The following PDIA3 variants were observed in gnomAD, a reference collection of about 807,000 sequenced individuals.
The protein encoded by PDIA3 is protein disulfide isomerase family A member 3.
PDIA3 carries 16 observed loss-of-function variants against 56.9 expected under a neutral mutation model. That is an observed-to-expected ratio of 0.28 (90% CI 0.19 to 0.43). PDIA3 has a LOEUF of 0.43. PDIA3 is among the 20% of genes least tolerant of loss of function. The pLI, the probability that PDIA3 is intolerant of heterozygous loss-of-function variation, is 1.00. For missense variants in PDIA3, 485 were observed against 621.3 expected, an observed-to-expected ratio of 0.78 and a Z score of 2.33; for synonymous variants, 192 against 216.5, an observed-to-expected ratio of 0.89 and a Z score of 0.99.
rs1457397048 is a variant in PDIA3, at chr15:43,751,760, T to C, written c.168-2064T>C. ...CAGATTTCTGGAGATTCTCATTCAG[T>C]AAGCCATGCATACTTTTGTTGTTTT... On this transcript the variant is annotated intron_variant, in intron 1 of 12. Transcript: ENST00000300289. The C allele has an allele frequency of 3.9e-6, 5 of 1,294,972 alleles. No individual in the cohort carries two copies. The East Asian group carries it at 2.2e-4, about 57-fold the overall frequency. The allele number at this position is 1,294,972 out of a possible 1,614,324, so 80.2% of individuals were successfully genotyped here. A position where few individuals can be genotyped will look rare whatever the true frequency, so the allele number is the denominator to read the frequency against.
intron 2 of PDIA3, among the ~76,000 whole-genome samples, chr15:43,755,635 C>T (rs1047300729): frequency 2.6e-5 from 4 of 151,914 alleles, no homozygotes; most frequent in African/African-American, 9.7e-5. Context: ...TAATCATAGC[C>T]AGGCGCTGTG....
In PDIA3 at chr15:43,746,652, G is replaced by C; in HGVS notation, c.113G>C (p.Arg38Pro). ...LELTDDNFESRISDTGSAGLM... is the reference protein window; with the variant it reads ...LELTDDNFESPISDTGSAGLM... ...CTCACGGACGACAACTTCGAGAGTC[G>C]CATCTCCGACACGGGCTCTGCGGGC... is the stretch of plus-strand genomic sequence containing the variant. The change falls in exon 1 of 13, where the codon CGC becomes CCC. Residue 38 changes from arginine (R) to proline (P), a missense_variant. Arg to Pro is a moderately radical substitution (Grantham distance 103). Coordinates refer to ENST00000300289, the MANE Select transcript of PDIA3 (RefSeq NM_005313.5). 6.2e-7 allele frequency: 1 copy of C among 1,612,954 alleles called. No individual in the cohort carries two copies. Among genetic ancestry groups the C allele is most frequent in the Non-Finnish European group, 8.5e-7 (1 of 1,179,888 alleles).
chr15:43,755,699 A>T (rs1256731839), intron 2 of PDIA3, among the ~76,000 whole-genome samples: 1 of 152,146 alleles, frequency 6.6e-6, no homozygotes, highest in Non-Finnish European at 1.5e-5. Context: ...GGATCTCCTG[A>T]GGTCTGGAGT....
chr15:43,747,839 G>T (rs2086717176), intron 1 of PDIA3, among the ~76,000 whole-genome samples: 7 of 152,132 alleles, frequency 4.6e-5, no homozygotes, highest in Admixed American at 4.6e-4. Flanking sequence ...AAAAAGTCCT[G>T]TAGTAAAGAC....
intron 1 of PDIA3, 163 bp downstream of exon 1, chr15:43,746,869 A>ATT (rs2086710119): frequency 1.3e-6 from 1 of 761,312 alleles, no homozygotes; most frequent in Non-Finnish European, 2.1e-6. Flanking sequence ...CGCCTCGCCG[A>ATT]GAGCGGGGGA....
chr15:43,754,329 G>A (rs193200226), intron 2 of PDIA3, among the ~76,000 whole-genome samples: 1 of 150,234 alleles, frequency 6.7e-6, no homozygotes, highest in Non-Finnish European at 1.5e-5. Flanking sequence ...AGGAGATGAA[G>A]GTTTCAGTGA....
In PDIA3 at chr15:43,756,685, T is replaced by C. The variant is rs149668018; in HGVS notation, c.283T>C (p.Tyr95His). 1.1e-5 allele frequency: 18 copies of C among 1,607,968 alleles called. No homozygotes were observed. In the African/African-American group the frequency reaches 2.3e-4, roughly 20 times the overall value. Residue 95 changes from tyrosine (Y) to histidine (H), a missense_variant, in exon 3 of 13, where the codon TAT becomes CAT. By Grantham distance (83) the Tyr-to-His change is moderately conservative (BLOSUM62 2). Coordinates refer to ENST00000300289, the MANE Select transcript of PDIA3 (RefSeq NM_005313.5). Reference protein sequence around the residue: ...CTANTNTCNKYGVSGYPTLKI... With the variant: ...CTANTNTCNKHGVSGYPTLKI... ...TGCCAACACTAACACCTGTAATAAA[T>C]ATGGAGTCAGTGGATATCCAACCCT...
chr15:43,757,148 T>C (rs1329518412), intron 3 of PDIA3, among the ~76,000 whole-genome samples: 1 of 152,182 alleles, frequency 6.6e-6, no homozygotes, highest in Non-Finnish European at 1.5e-5. Context: ...TTTAAAAATA[T>C]AGATGAGCTG....
At chr15:43,769,737 A>G in intron 10 of PDIA3, 91 bp downstream of exon 10, 1 of 1,362,242 alleles carries the variant, frequency 7.3e-7, no homozygotes, top group South Asian at 1.3e-5. Flanking sequence ...GTTGGTTCCT[A>G]AGTACTGATA....
At position 43,761,733 on chromosome 15, in the gene PDIA3, G is replaced by T. The variant is rs565905376; in HGVS notation, c.472+202G>T. Among the ~76,000 whole-genome samples, 7 of 152,040 alleles carry T rather than the reference G, an allele frequency of 4.6e-5. No homozygotes were observed. The East Asian group carries it at 1.3e-3, about 29-fold the overall frequency. Reference sequence around the variant, plus strand: ...TACTATATAATGTAATTATAATGTGGGGGGCAATTGGTGTTTTATTTGAGT... The same window carrying T: ...TACTATATAATGTAATTATAATGTGTGGGGCAATTGGTGTTTTATTTGAGT... On this transcript the variant is annotated intron_variant, in intron 4 of 12. Transcript: ENST00000300289.
chr15:43,750,984 T>C (rs1488497492), intron 1 of PDIA3, among the ~76,000 whole-genome samples: 2 of 151,556 alleles, frequency 1.3e-5, no homozygotes. Flanking sequence ...ATACAAAAAT[T>C]GGCTAGGCAC....
At chr15:43,768,303 G>T (rs2086860658) in intron 8 of PDIA3, among the ~76,000 whole-genome samples, 186 bp from the exon 9 acceptor site, 2 of 152,158 alleles carry the variant, frequency 1.3e-5, no homozygotes, top group South Asian at 4.1e-4. Flanking sequence ...AATCCACAAA[G>T]AACACACTAG....
intron 12 of PDIA3, among the ~76,000 whole-genome samples, 177 bp from the exon 13 acceptor site, chr15:43,770,928 C>A (rs912583889): frequency 6.6e-6 from 1 of 152,140 alleles, no homozygotes; most frequent in Non-Finnish European, 1.5e-5. Context: ...GGATTACAGG[C>A]GTGAGCCACC....
chr15:43,765,986 T>C lies in PDIA3; in HGVS notation c.819T>C (p.Ala273=), dbSNP rs1305234823. 4 of 1,613,458 alleles carry C rather than the reference T, an allele frequency of 2.5e-6. No individual in the cohort carries two copies. In the Admixed American group the frequency reaches 5.0e-5, roughly 20 times the overall value. ...AYYDVDYEKN[A]KGSNYWRNRV... ...ATGATGTGGACTATGAAAAGAACGC[T>C]AAAGGTTCCAACTACTGGAGAAACA... Residue 273 remains alanine, a synonymous_variant, in exon 7 of 13, where the codon GCT becomes GCC. Coordinates refer to ENST00000300289, the MANE Select transcript of PDIA3 (RefSeq NM_005313.5).
At chr15:43,749,331 C>G (rs531096671) in intron 1 of PDIA3, among the ~76,000 whole-genome samples, 1 of 151,978 alleles carries the variant, frequency 6.6e-6, no homozygotes, top group South Asian at 2.1e-4. Context: ...TCAGGAGATC[C>G]ACCCTCCTCG....
intron 3 of PDIA3, among the ~76,000 whole-genome samples, chr15:43,759,611 G>A (rs1230139458): frequency 2.0e-5 from 3 of 152,140 alleles, no homozygotes; most frequent in Non-Finnish European, 4.4e-5. Context: ...ATTATTCATA[G>A]TAGCCAAAAG....
At chr15:43,746,744 G>T (rs1225267645) in intron 1 of PDIA3, 38 bp downstream of exon 1, 1 of 1,608,426 alleles carries the variant, frequency 6.2e-7, no homozygotes, top group Non-Finnish European at 8.5e-7. Context: ...AGAAAGGCGG[G>T]GCTGGGCCGG....
At chr15:43,770,196 T>C (rs1567160067) in intron 10 of PDIA3, 54 bp from the exon 11 acceptor site, 2 of 1,336,586 alleles carry the variant, frequency 1.5e-6, no homozygotes, top group Non-Finnish European at 2.2e-6. Context: ...TGACTAAGTG[T>C]CCCTCTGTCA....
intron 3 of PDIA3, among the ~76,000 whole-genome samples, chr15:43,757,084 A>C (rs955670339): frequency 6.6e-6 from 1 of 152,140 alleles, no homozygotes; most frequent in Non-Finnish European, 1.5e-5. Flanking sequence ...CAAGGTCCCT[A>C]CTCTTGTGAA....
Sources: allele counts gnomAD v4.1 joint callset (sites outside exome capture counted in the v4.1 genomes callset), GRCh38; gene constraint gnomAD v4.1.1; transcripts MANE v1.5; gene names NCBI Gene and HGNC (gene_info 2026-07-23, HGNC 2026-07-21).